Variants in PDE10A observed in about 807,000 individuals in gnomAD.
PDE10A encodes cAMP and cAMP-inhibited cGMP 3',5'-cyclic phosphodiesterase 10A.
Under a neutral mutation model 97.7 loss-of-function variants are expected in PDE10A, and 39 were observed. The observed-to-expected ratio is 0.40, with a 90% CI of 0.31 to 0.52. The LOEUF (loss-of-function observed/expected upper bound fraction) is 0.52, where lower values mean the gene tolerates loss of function less well. PDE10A is among the 20% of genes least tolerant of loss of function. PDE10A has a pLI of 0.56. For synonymous variants in PDE10A, 371 were observed against 376.8 expected, an observed-to-expected ratio of 0.98 and a Z score of 0.18; for missense variants, 731 against 1,047.8, an observed-to-expected ratio of 0.70 and a Z score of 4.17.
intron 1 of PDE10A, chr6:165,894,750 G>A (rs1781899971): frequency 6.2e-6 from 2 of 320,394 alleles, no homozygotes; most frequent in Non-Finnish European, 1.2e-5. Flanking sequence ...TGTTCATATT[G>A]TGTTATAATA....
intron 3 of PDE10A, 143 bp downstream of exon 3, chr6:165,482,172 T>C (rs1779642841): frequency 4.2e-6 from 3 of 707,448 alleles, no homozygotes; most frequent in African/African-American, 1.8e-5. Flanking sequence ...CTTTATTCCA[T>C]ATTAATGAGT....
At chr6:165,602,865 TACC>T (rs1284893006) in intron 1 of PDE10A, among the ~76,000 whole-genome samples, 3 of 152,128 alleles carry the variant, frequency 2.0e-5, no homozygotes, top group Non-Finnish European at 4.4e-5. Context: ...GAGCCTCATC[TACC>T]ACCACAACAT....
chr6:165,639,952 C>T (rs368586116), intron 1 of PDE10A, among the ~76,000 whole-genome samples: 8 of 151,824 alleles, frequency 5.3e-5, no homozygotes, highest in African/African-American at 1.4e-4. Context: ...CACCTGTGGT[C>T]CCGACGACTC....
At chr6:165,619,514 C>CTAGTATAGTCTAGTGTACTG (rs1787993018) in intron 1 of PDE10A, among the ~76,000 whole-genome samples, 1 of 14,880 alleles carries the variant, frequency 6.7e-5, no homozygotes, top group African/African-American at 4.0e-4. Flanking sequence ...GTAGTGTAGT[C>CTAGTATAGTCTAGTGTACTG]TAGTGTAGTG....
intron 1 of PDE10A, among the ~76,000 whole-genome samples, chr6:165,694,911 A>G (rs1164659681): frequency 6.6e-6 from 1 of 152,168 alleles, no homozygotes; most frequent in East Asian, 1.9e-4. Context: ...CAGCTTCCTC[A>G]TGTCTTCCGT....
At chr6:165,745,924 T>C (rs1792832974) in intron 1 of PDE10A, among the ~76,000 whole-genome samples, 1 of 152,232 alleles carries the variant, frequency 6.6e-6, no homozygotes, top group Non-Finnish European at 1.5e-5. Context: ...TGTGTGTCAT[T>C]CTTGAATGTT....
At chr6:165,420,994 C>A (rs764568268) in intron 10 of PDE10A, among the ~76,000 whole-genome samples, 8 of 152,002 alleles carry the variant, frequency 5.3e-5, no homozygotes, top group Non-Finnish European at 8.8e-5. Context: ...AAAATTCAAC[C>A]CAATCAAATT....
At chr6:165,738,815 T>C (rs923162361) in intron 1 of PDE10A, among the ~76,000 whole-genome samples, 2 of 152,248 alleles carry the variant, frequency 1.3e-5, no homozygotes, top group African/African-American at 4.8e-5. Context: ...TGTCTTCTTT[T>C]GAGAAGTGTC....
At chr6:165,742,507 T>C (rs145964416) in intron 1 of PDE10A, among the ~76,000 whole-genome samples, 88 of 152,250 alleles carry the variant, frequency 5.8e-4, no homozygotes, top group African/African-American at 1.9e-3. Flanking sequence ...TGCCCCATTA[T>C]TGAAGGCTCT....
At chr6:165,599,768 C>T (rs535886265) in intron 1 of PDE10A, among the ~76,000 whole-genome samples, 30 of 152,216 alleles carry the variant, frequency 2.0e-4, no homozygotes, top group Non-Finnish European at 3.2e-4. Context: ...AGCAGGAGTG[C>T]GTCTCTGACC....
chr6:165,445,956 C>T (rs1194853100), intron 5 of PDE10A, among the ~76,000 whole-genome samples: 2 of 151,128 alleles, frequency 1.3e-5, no homozygotes, highest in South Asian at 2.1e-4. Context: ...AACACATAAG[C>T]AAAAAAGTCA....
intron 3 of PDE10A, among the ~76,000 whole-genome samples, chr6:165,452,887 C>T (rs545284986): frequency 7.1e-6 from 1 of 141,540 alleles, no homozygotes; most frequent in Non-Finnish European, 1.5e-5. Flanking sequence ...AAGGGAAATT[C>T]TGGTGAGGGT....
At chr6:165,769,381 G>A (rs1777945037) in intron 1 of PDE10A, among the ~76,000 whole-genome samples, 2 of 152,126 alleles carry the variant, frequency 1.3e-5, no homozygotes, top group African/African-American at 4.8e-5. Context: ...AATAACAACA[G>A]GAACTATAGA....
At chr6:165,642,016 ACG>A (rs1491282711) in intron 1 of PDE10A, among the ~76,000 whole-genome samples, 15 of 45,116 alleles carry the variant, frequency 3.3e-4, no homozygotes, top group Non-Finnish European at 3.5e-4. Flanking sequence ...GGAATCATGA[ACG>A]TGTGTGTGTG....
Position 165,655,074 on chromosome 6 carries a change from C to CA in PDE10A, c.865+6872_865+6873insT, listed in dbSNP as rs555836078. On this transcript the variant is annotated intron_variant, in intron 1 of 21. Transcript: ENST00000539869. The surrounding 1 kb of genome is among the most constrained non-coding windows in gnomAD (Gnocchi z 4.5). Reference sequence around the variant, plus strand: ...CTACTCCGGCTCATAGCACAGAATTCCAGCGGGCCGTCCGTTCGCGTGTCA... The same window carrying CA: ...CTACTCCGGCTCATAGCACAGAATTCACAGCGGGCCGTCCGTTCGCGTGTCA... Among the ~76,000 whole-genome samples, 136 of 152,330 alleles carry CA rather than the reference C, an allele frequency of 8.9e-4. No homozygotes were observed. The highest frequency in any genetic ancestry group is 3.2e-3 in the African/African-American group (134 of 41,572).
chr6:165,654,771 C>T (rs531112995), intron 1 of PDE10A, among the ~76,000 whole-genome samples: 190 of 152,282 alleles, frequency 1.2e-3, no homozygotes, highest in Non-Finnish European at 2.2e-3. Flanking sequence ...CCGCAATCTC[C>T]CGACCGAGGC....
chr6:165,825,270 C>T (rs1779702343), intron 1 of PDE10A, among the ~76,000 whole-genome samples: 1 of 152,036 alleles, frequency 6.6e-6, no homozygotes, highest in Non-Finnish European at 1.5e-5. Context: ...CACACAAGCC[C>T]AGGGGTGTGT....
At chr6:165,755,800 G>T (rs1354731867) in intron 1 of PDE10A, among the ~76,000 whole-genome samples, 2 of 152,238 alleles carry the variant, frequency 1.3e-5, no homozygotes, top group Non-Finnish European at 2.9e-5. Context: ...CCCACTCCCG[G>T]AGTCACACAG....
intron 1 of PDE10A, among the ~76,000 whole-genome samples, chr6:165,764,953 C>T (rs1307029719): frequency 2.0e-5 from 3 of 152,120 alleles, no homozygotes; most frequent in Non-Finnish European, 4.4e-5. Context: ...TTTATAATCC[C>T]TGAGCTAGAC....
Sources: gnomAD v4.1 joint callset for allele counts (sites outside exome capture counted in the v4.1 genomes callset) on GRCh38, gnomAD v4.1.1 for gene constraint, Gnocchi (gnomAD v3.1) non-coding constraint, MANE v1.5 for transcripts, NCBI Gene and HGNC (gene_info 2026-07-23, HGNC 2026-07-21) for gene names.